The following DAPK2 variants were observed in gnomAD, a reference collection of about 807,000 sequenced individuals.
The protein encoded by DAPK2 is death associated protein kinase 2, also known as death-associated protein kinase 2.
DAPK2 carries 35 observed loss-of-function variants against 44.1 expected under a neutral mutation model. That is an observed-to-expected ratio of 0.79 (90% CI 0.61 to 1.05). The LOEUF is 1.05. Ranked by LOEUF, DAPK2 falls within the 50% of genes least tolerant of loss-of-function variation. The pLI, the probability that DAPK2 is intolerant of heterozygous loss-of-function variation, is 0.00. For missense variants in DAPK2, 453 were observed against 483.2 expected (o/e 0.94, Z 0.59); for synonymous variants, 174 against 182.6 (o/e 0.95, Z 0.38).
intron 3 of DAPK2, among the ~76,000 whole-genome samples, chr15:63,964,649 G>A (rs1445277455): frequency 6.8e-6 from 1 of 147,978 alleles, no homozygotes; most frequent in African/African-American, 2.5e-5. Context: ...TTTTTCTTTT[G>A]TCTCCTCTGT....
intron 1 of DAPK2, among the ~76,000 whole-genome samples, chr15:64,026,736 G>A (rs2079858144): frequency 6.6e-6 from 1 of 152,152 alleles, no homozygotes; most frequent in Non-Finnish European, 1.5e-5. Context: ...AGACCCCTTG[G>A]CAGGAGTTCC....
At chr15:63,993,636 T>A (rs1195890507) in intron 1 of DAPK2, among the ~76,000 whole-genome samples, 2 of 152,032 alleles carry the variant, frequency 1.3e-5, no homozygotes, top group African/African-American at 2.4e-5. Flanking sequence ...ATTGCTTGCC[T>A]CTCCCAGACA....
intron 1 of DAPK2, among the ~76,000 whole-genome samples, chr15:64,027,755 G>A (rs746645357): frequency 8.5e-5 from 13 of 152,100 alleles, no homozygotes; most frequent in Non-Finnish European, 1.5e-4. Context: ...CAATAAAAGA[G>A]TATTGGCAAA....
Position 63,943,894 on chromosome 15 carries a change from A to C in DAPK2, c.454-4533T>G, listed in dbSNP as rs980422826. 9.2e-5 allele frequency among the ~76,000 whole-genome samples: 14 copies of C among 152,124 alleles called. No individual in the cohort carries two copies. In the South Asian group the frequency reaches 2.1e-3, roughly 23 times the overall value. On this transcript the variant is annotated intron_variant, in intron 3 of 10. Coordinates refer to ENST00000261891, the Ensembl canonical transcript of DAPK2. ...CTGTCTCAAAAAAAACAAAACAAAA[A>C]AAATCTATCCCAGAGAGAAGCAGCA...
upstream of DAPK2, chr15:64,046,362 G>GGA (rs1173197697): frequency 3.1e-4 from 124 of 397,836 alleles, 6 homozygotes; most frequent in African/African-American, 1.3e-3. This position sits in a 1 kb window ranked among gnomAD's most constrained non-coding sequence, Gnocchi z 5.3. Flanking sequence ...GGGCGCGGCG[G>GGA]GCGCGGCGGG....
Position 63,990,044 on chromosome 15 carries a change from A to C in DAPK2, c.93-6290T>G, listed in dbSNP as rs186193429. Among the ~76,000 whole-genome samples, 6 of 152,226 alleles carry C rather than the reference A, an allele frequency of 3.9e-5. No homozygotes were observed. The East Asian group carries it at 1.2e-3, about 29-fold the overall frequency. On this transcript the variant is annotated intron_variant, in intron 1 of 10. Coordinates refer to ENST00000261891, the Ensembl canonical transcript of DAPK2. The surrounding 1 kb of genome is among the most constrained non-coding windows in gnomAD (Gnocchi z 4.3). ...CAATATACCCCTTACGGCCTGCATC[A>C]AGGTAGACCACTCGCACTGCCACCC...
At chr15:63,933,234 T>C (rs760072516) in intron 4 of DAPK2, among the ~76,000 whole-genome samples, 3 of 152,090 alleles carry the variant, frequency 2.0e-5, no homozygotes, top group Non-Finnish European at 4.4e-5. Flanking sequence ...TTTCTAATAA[T>C]TTATTTGTTT....
At chr15:64,008,742 A>G (rs4146472) in intron 1 of DAPK2, among the ~76,000 whole-genome samples, 35,044 of 152,172 alleles carry the variant, frequency 0.23, 5,309 homozygotes, top group East Asian at 0.77. Context: ...TGAGGATAAC[A>G]AATAGTTGAG....
chr15:63,958,817 G>A (rs531781215), intron 3 of DAPK2, among the ~76,000 whole-genome samples: 6 of 152,182 alleles, frequency 3.9e-5, no homozygotes, highest in Non-Finnish European at 7.3e-5. Context: ...TTTTGGCTTA[G>A]GATTGTCTTG....
Position 64,013,189 on chromosome 15 carries a change from A to G in DAPK2, c.92+26981T>C, listed in dbSNP as rs1567273127. Among the ~76,000 whole-genome samples the G allele has an allele frequency of 6.6e-6, 1 of 152,252 alleles. No homozygotes were observed. Among genetic ancestry groups the G allele is most frequent in the South Asian group, 2.1e-4 (1 of 4,834 alleles). On this transcript the variant is annotated intron_variant, in intron 1 of 10. Coordinates refer to ENST00000261891, the Ensembl canonical transcript of DAPK2. The surrounding 1 kb of genome is among the most constrained non-coding windows in gnomAD (Gnocchi z 4.7). ...GGTGCATGTGCACAAAGCAGTCACA[A>G]TAACATTTTGGTTGTTCTGTAAAAT...
intron 1 of DAPK2, among the ~76,000 whole-genome samples, chr15:63,998,953 C>T (rs1009556050): frequency 6.6e-6 from 1 of 152,224 alleles, no homozygotes; most frequent in African/African-American, 2.4e-5. Flanking sequence ...CCTCGCAAAT[C>T]TTCTCTTTCC....
intron 4 of DAPK2, chr15:63,932,808 A>G (rs2077011006): frequency 6.6e-6 from 1 of 152,182 alleles, no homozygotes; most frequent in Non-Finnish European, 1.5e-5. Flanking sequence ...TTAGCTTTAT[A>G]AAAATGCTGT....
At chr15:63,983,455 G>A in intron 2 of DAPK2, 78 bp downstream of exon 3, 1 of 1,380,394 alleles carries the variant, frequency 7.2e-7, no homozygotes, top group Non-Finnish European at 1.0e-6. Flanking sequence ...TGCCCCCTGG[G>A]GCCTGTGGCT....
intron 3 of DAPK2, among the ~76,000 whole-genome samples, chr15:63,945,214 C>A (rs2077417935): frequency 6.6e-6 from 1 of 152,156 alleles, no homozygotes; most frequent in Non-Finnish European, 1.5e-5. Flanking sequence ...TGTGCTCTAA[C>A]CCCTCCGTGT....
intron 3 of DAPK2, among the ~76,000 whole-genome samples, chr15:63,947,126 C>T (rs1025309082): frequency 4.6e-5 from 7 of 152,282 alleles, no homozygotes; most frequent in Non-Finnish European, 1.0e-4. Flanking sequence ...ATCACCCCAT[C>T]CCACCCTGCA....
chr15:63,927,724 C>T (rs1435169456), intron 6 of DAPK2, among the ~76,000 whole-genome samples: 1 of 147,282 alleles, frequency 6.8e-6, no homozygotes, highest in Non-Finnish European at 1.5e-5. Flanking sequence ...ACTATGTGCT[C>T]AGTAGACACT....
chr15:63,974,546 G>C (rs1244393255), intron 2 of DAPK2, among the ~76,000 whole-genome samples: 2 of 152,238 alleles, frequency 1.3e-5, no homozygotes. Flanking sequence ...ATAGAAAAGA[G>C]TGTCTGAGTT....
intron 3 of DAPK2, among the ~76,000 whole-genome samples, chr15:63,961,471 T>C (rs2077898665): frequency 6.6e-6 from 1 of 152,238 alleles, no homozygotes; most frequent in African/African-American, 2.4e-5. Flanking sequence ...GTTTTTGCAG[T>C]GGCTGGTACC....
At chr15:63,942,150 G>A (rs2077327439) in intron 3 of DAPK2, 1 of 923,968 alleles carries the variant, frequency 1.1e-6, no homozygotes, top group Non-Finnish European at 1.3e-6. Flanking sequence ...ATGAGGTGGT[G>A]GAGGGGAAGA....
Sources: gnomAD v4.1 joint callset for allele counts (sites outside exome capture counted in the v4.1 genomes callset) on GRCh38, gnomAD v4.1.1 for gene constraint, Gnocchi (gnomAD v3.1) non-coding constraint, MANE v1.5 for transcripts, NCBI Gene and HGNC (gene_info 2026-07-23, HGNC 2026-07-21) for gene names.